The following TESK2 variants were observed in gnomAD, a reference collection of about 807,000 sequenced individuals.
TESK2 encodes testis associated actin remodelling kinase 2.
TESK2 carries 39 observed loss-of-function variants against 57.1 expected under a neutral mutation model. The observed-to-expected ratio is 0.68, with a 90% confidence interval of 0.53 to 0.89. TESK2 has a LOEUF of 0.89. Among genes scored for constraint, TESK2 ranks in the 40% least tolerant of loss-of-function variants. TESK2 has a pLI of 0.00. For missense variants in TESK2, 646 were observed against 732.1 expected (o/e 0.88, Z 1.36); for synonymous variants, 249 against 267.9 (o/e 0.93, Z 0.69).
intron 3 of TESK2, among the ~76,000 whole-genome samples, chr1:45,398,212 C>T (rs1490043370): frequency 6.6e-6 from 1 of 152,054 alleles, no homozygotes; most frequent in Non-Finnish European, 1.5e-5. Flanking sequence ...CCTGGCCTGT[C>T]ACTGAATTCT....
At chr1:45,429,919 G>C (rs1378395249) in intron 2 of TESK2, among the ~76,000 whole-genome samples, 1 of 152,094 alleles carries the variant, frequency 6.6e-6, no homozygotes, top group East Asian at 1.9e-4. Context: ...ACACTCTCAG[G>C]TCTTTGCTTC....
At chr1:45,463,107 TG>T (rs1179323316) in intron 1 of TESK2, among the ~76,000 whole-genome samples, 3 of 152,246 alleles carry the variant, frequency 2.0e-5, no homozygotes, top group Non-Finnish European at 1.5e-5. Flanking sequence ...TAGAGTTGTC[TG>T]AACTCCTTAT....
rs570342713 is a variant in TESK2 at position 45,445,452 on chromosome 1, G to A, written c.222+12112C>T. Among the ~76,000 whole-genome samples, 8 of 152,006 alleles carry A rather than the reference G, an allele frequency of 5.3e-5. No individual in the cohort carries two copies. The South Asian group carries it at 1.2e-3, about 24-fold the overall frequency. ...GACAATTACAAAAACATCTACCCTT[G>A]AAGATGGGCTTTCAATAAAAAATTA... is the stretch of plus-strand genomic sequence containing the variant. On this transcript the variant is annotated intron_variant, in intron 2 of 10. Transcript: ENST00000372086.
rs1337178276 is a variant in TESK2 at position 45,344,939 on chromosome 1, A to G, written c.1617T>C (p.Ser539=). Residue 539 remains serine, a synonymous_variant, in exon 11 of 11, where the codon TCT becomes TCC. Transcript: ENST00000372086. ...QGTSPCPAGA[S]EEMEVEERPA... ...GCCTTTCTTCTACCTCCATCTCCTC[A>G]GAAGCACCCGCAGGGCATGGACTGG... 6.2e-7 allele frequency: 1 copy of G among 1,614,234 alleles called. No individual in the cohort carries two copies.
chr1:45,438,824 G>A (rs1651329681), intron 2 of TESK2, among the ~76,000 whole-genome samples: 1 of 151,894 alleles, frequency 6.6e-6, no homozygotes, highest in South Asian at 2.1e-4. Flanking sequence ...TCTCAGAAAG[G>A]CATACAGAGA....
At chr1:45,426,107 C>T (rs917544376) in intron 2 of TESK2, among the ~76,000 whole-genome samples, 2 of 151,848 alleles carry the variant, frequency 1.3e-5, no homozygotes, top group Non-Finnish European at 2.9e-5. Flanking sequence ...GCCAAGATTG[C>T]ACCACTGCAC....
intron 3 of TESK2, among the ~76,000 whole-genome samples, chr1:45,394,073 G>A (rs1172723850): frequency 6.6e-6 from 1 of 151,950 alleles, no homozygotes; most frequent in East Asian, 1.9e-4. Context: ...CATGTGCTTT[G>A]AGAGTAAGTG....
At chr1:45,443,448 T>C (rs1651523287) in intron 2 of TESK2, among the ~76,000 whole-genome samples, 1 of 151,268 alleles carries the variant, frequency 6.6e-6, no homozygotes, top group South Asian at 2.1e-4. Context: ...TGCATGCCTG[T>C]GGTCCCAGCT....
intron 1 of TESK2, among the ~76,000 whole-genome samples, chr1:45,472,973 T>TAAAAAA (rs1023886539): frequency 9.9e-6 from 1 of 100,846 alleles, no homozygotes; most frequent in Non-Finnish European, 2.1e-5. Context: ...CTGTCTCTAC[T>TAAAAAA]AAAAAAAAAA....
intron 4 of TESK2, among the ~76,000 whole-genome samples, chr1:45,372,605 G>T (rs1206049795): frequency 6.6e-6 from 1 of 151,430 alleles, no homozygotes; most frequent in Non-Finnish European, 1.5e-5. Flanking sequence ...ACAAGATCTG[G>T]CCTGGTACAG....
At chr1:45,356,854 A>T (rs998009742) in intron 4 of TESK2, among the ~76,000 whole-genome samples, 6 of 152,136 alleles carry the variant, frequency 3.9e-5, no homozygotes, top group African/African-American at 1.2e-4. Context: ...AAATCAACAG[A>T]ATCCCAAGGA....
rs547354421 is a variant in TESK2 at position 45,442,930 on chromosome 1, C to T, written c.222+14634G>A. On this transcript the variant is annotated intron_variant, in intron 2 of 10. Transcript: ENST00000372086. Reference sequence around the variant, plus strand: ...CCTCCCAAGTAGCTGGGACTACAGGCATGTGCCATCGCACCTGGCTAATTT... The same window carrying T: ...CCTCCCAAGTAGCTGGGACTACAGGTATGTGCCATCGCACCTGGCTAATTT... 3.5e-4 allele frequency among the ~76,000 whole-genome samples: 53 copies of T among 152,326 alleles called. 1 individual carries two copies. The East Asian group carries it at 9.8e-3, about 28-fold the overall frequency.
chr1:45,420,267 T>A (rs867781696), intron 3 of TESK2, among the ~76,000 whole-genome samples: 1 of 152,128 alleles, frequency 6.6e-6, no homozygotes, highest in Non-Finnish European at 1.5e-5. Context: ...TAATATAGGG[T>A]CTCACTCTGT....
intron 2 of TESK2, among the ~76,000 whole-genome samples, chr1:45,428,527 G>C (rs1307672558): frequency 6.6e-6 from 1 of 151,778 alleles, no homozygotes; most frequent in Non-Finnish European, 1.5e-5. Flanking sequence ...TTTTTAAACA[G>C]GGTCTCACTC....
At chr1:45,477,719 T>C (rs916635370) in intron 1 of TESK2, among the ~76,000 whole-genome samples, 2 of 152,272 alleles carry the variant, frequency 1.3e-5, no homozygotes, top group Admixed American at 6.5e-5. Flanking sequence ...CAGTTAAAAA[T>C]CTTCAATGAT....
At chr1:45,420,591 G>A (rs1266914958) in intron 3 of TESK2, among the ~76,000 whole-genome samples, 3 of 131,608 alleles carry the variant, frequency 2.3e-5, no homozygotes, top group Middle Eastern at 5.2e-3. Context: ...TTTTTGAGAC[G>A]GAGTCTTGCT....
intron 4 of TESK2, among the ~76,000 whole-genome samples, chr1:45,384,610 T>TTTTTA (rs1557551571): frequency 1.8e-4 from 22 of 123,638 alleles, no homozygotes; most frequent in South Asian, 1.6e-3. Flanking sequence ...TTTTTTTTTT[T>TTTTTA]TTTTTTTTTT....
chr1:45,424,765 C>T (rs533283140), intron 2 of TESK2, among the ~76,000 whole-genome samples: 15 of 152,214 alleles, frequency 9.9e-5, no homozygotes, highest in South Asian at 6.2e-4. Flanking sequence ...GTTCAACATA[C>T]GTAAATCAAT....
At chr1:45,366,826 T>C (rs1461878694) in intron 4 of TESK2, among the ~76,000 whole-genome samples, 2 of 152,078 alleles carry the variant, frequency 1.3e-5, no homozygotes, top group African/African-American at 2.4e-5. Flanking sequence ...ATAAATATCA[T>C]GCAAAAACAA....
Sources: allele counts gnomAD v4.1 joint callset (sites outside exome capture counted in the v4.1 genomes callset), GRCh38; gene constraint gnomAD v4.1.1; transcripts MANE v1.5; gene names NCBI Gene and HGNC (gene_info 2026-07-23, HGNC 2026-07-21).